The following NSF variants were observed in gnomAD, a reference collection of about 807,000 sequenced individuals.
The protein encoded by NSF is N-ethylmaleimide sensitive factor, vesicle fusing ATPase, also known as vesicle-fusing ATPase.
In NSF, 14 loss-of-function variants were observed where a neutral mutation model predicts 50.3. The observed-to-expected ratio is 0.28, with a 90% CI of 0.18 to 0.44. The LOEUF (loss-of-function observed/expected upper bound fraction) is 0.44. Ranked by LOEUF, NSF falls within the 20% of genes least tolerant of loss-of-function variation. NSF has a pLI of 1.00. For missense variants in NSF, 218 were observed against 504.3 expected, an observed-to-expected ratio of 0.43 and a Z score of 5.44; for synonymous variants, 109 against 175.7, an observed-to-expected ratio of 0.62 and a Z score of 3.00.
intron 9 of NSF, among the ~76,000 whole-genome samples, chr17:46,676,318 C>T (rs1300056160): frequency 1.4e-5 from 2 of 140,558 alleles, no homozygotes; most frequent in South Asian, 2.2e-4. Context: ...CCACAACCTC[C>T]GCCTCCCAGG....
chr17:46,691,560 A>G (rs1316098158), intron 9 of NSF, among the ~76,000 whole-genome samples: 2 of 150,430 alleles, frequency 1.3e-5, no homozygotes, highest in Non-Finnish European at 2.9e-5. Flanking sequence ...GCGTCATTGC[A>G]CTCCAGCCTG....
chr17:46,713,778 A>G (rs979606573), intron 14 of NSF, 75 bp from the exon 15 acceptor site: 18 of 1,460,856 alleles, frequency 1.2e-5, no homozygotes, highest in African/African-American at 7.1e-5. Flanking sequence ...TGTTCTGGAT[A>G]AAAGTTTAAA....
rs558548035 is a variant in NSF, at chr17:46,626,016, G to T, written c.99-597G>T. ...GGACTGTTTTTTTTTTTATTTACAG[G>T]TAATTTCTGAACAGGGAATTAGCAC... On this transcript the variant is annotated intron_variant, in intron 2 of 20. Coordinates refer to ENST00000398238, the MANE Select transcript of NSF (RefSeq NM_006178.4). Among the ~76,000 whole-genome samples, 3 of 148,700 alleles carry T rather than the reference G, an allele frequency of 2.0e-5. No homozygotes were observed. The South Asian group carries it at 6.3e-4, about 31-fold the overall frequency.
intron 15 of NSF, among the ~76,000 whole-genome samples, chr17:46,723,540 CT>C (rs1421656222): frequency 2.6e-5 from 4 of 152,184 alleles, no homozygotes; most frequent in Non-Finnish European, 5.9e-5. Flanking sequence ...CTCATTTTCT[CT>C]TTTTCTGTGT....
intron 17 of NSF, among the ~76,000 whole-genome samples, chr17:46,738,475 G>A (rs911605390): frequency 6.6e-6 from 1 of 152,130 alleles, no homozygotes; most frequent in African/African-American, 2.4e-5. Flanking sequence ...CTGAAGCAAA[G>A]TATAATAAAC....
chr17:46,755,263 A>G, intron 19 of NSF, 51 bp from the exon 20 acceptor site: 1 of 1,366,440 alleles, frequency 7.3e-7, no homozygotes, highest in Admixed American at 1.7e-5. Context: ...GCAAGTGCAG[A>G]GTTGTTAGAA....
intron 20 of NSF, 90 bp downstream of exon 20, chr17:46,755,459 A>AAT (rs1289001566): frequency 8.1e-6 from 9 of 1,113,900 alleles, no homozygotes; most frequent in African/African-American, 1.5e-5. Context: ...TTCCTAGATA[A>AAT]GTTTGTTTCC....
rs1323266344 is a variant in NSF at position 46,713,839 on chromosome 17, A to G, written c.1628-14A>G. The stretch of plus-strand genomic sequence containing the variant: ...TTGGCTTTTTTCCCCTGACTTGCTC[A>G]TATCTTTATGCAGGCCCTCCTCACA... On this transcript the variant is annotated splice_polypyrimidine_tract_variant and intron_variant, in intron 14 of 20. Coordinates refer to ENST00000398238, the MANE Select transcript of NSF (RefSeq NM_006178.4). 3.1e-6 allele frequency: 5 copies of G among 1,606,980 alleles called. No individual in the cohort carries two copies. The highest frequency in any genetic ancestry group is 2.2e-5 in the East Asian group (1 of 44,588).
chr17:46,633,829 A>G (rs2058156647), intron 4 of NSF, among the ~76,000 whole-genome samples: 1 of 117,098 alleles, frequency 8.5e-6, no homozygotes, highest in Admixed American at 8.8e-5. Context: ...TCTTTTGCCT[A>G]TCAAAGTTAC....
At chr17:46,667,522 C>A (rs1568025828) in intron 8 of NSF, among the ~76,000 whole-genome samples, 1 of 140,640 alleles carries the variant, frequency 7.1e-6, no homozygotes, top group African/African-American at 2.6e-5. Flanking sequence ...AACCCAATGA[C>A]AGCACTGCTC....
chr17:46,649,525 T>G (rs891433680), intron 8 of NSF, among the ~76,000 whole-genome samples: 2 of 151,458 alleles, frequency 1.3e-5, no homozygotes, highest in African/African-American at 4.9e-5. Context: ...CCATGACTCC[T>G]GAAGTGAAGC....
chr17:46,730,297 CTT>C (rs748750842), intron 17 of NSF, among the ~76,000 whole-genome samples: 2 of 152,086 alleles, frequency 1.3e-5, no homozygotes, highest in African/African-American at 2.4e-5. Flanking sequence ...AAATTTATCT[CTT>C]AAAATAGTTC....
chr17:46,608,107 G>A (rs1451047936), intron 1 of NSF, among the ~76,000 whole-genome samples: 1 of 122,912 alleles, frequency 8.1e-6, no homozygotes, highest in Non-Finnish European at 1.6e-5. Flanking sequence ...TCAGGAGATC[G>A]AGACCATCCT....
intron 17 of NSF, among the ~76,000 whole-genome samples, chr17:46,742,650 CCTTGA>C (rs2059086864): frequency 1.3e-5 from 2 of 152,032 alleles, no homozygotes; most frequent in African/African-American, 2.4e-5. Flanking sequence ...TCAGGCAGGT[CCTTGA>C]CTTGGAGGGA....
chr17:46,601,874 C>A lies in NSF; in HGVS notation c.12+11087C>A, dbSNP rs1002950345. The stretch of plus-strand genomic sequence containing the variant: ...TTCTGGGAACAACTTAATCCCCACT[C>A]CTTTAAAAAAAAAAAAAAAGACACT... On this transcript the variant is annotated intron_variant, in intron 1 of 20. Transcript: ENST00000398238. 2.7e-5 allele frequency among the ~76,000 whole-genome samples: 4 copies of A among 146,654 alleles called. No individual in the cohort carries two copies. In the East Asian group the frequency reaches 5.9e-4, roughly 22 times the overall value.
intron 18 of NSF, among the ~76,000 whole-genome samples, chr17:46,750,444 A>AT (rs1453509131): frequency 6.6e-6 from 1 of 152,180 alleles, no homozygotes. Flanking sequence ...AGCGTCTCTA[A>AT]TCTGGAAATC....
chr17:46,731,260 G>A (rs1373730178), intron 17 of NSF, among the ~76,000 whole-genome samples: 2 of 152,128 alleles, frequency 1.3e-5, no homozygotes, highest in Non-Finnish European at 2.9e-5. Context: ...GATGATTCCA[G>A]TTACATGAAA....
chr17:46,735,611 G>A (rs368564277), intron 17 of NSF, among the ~76,000 whole-genome samples: 2 of 152,110 alleles, frequency 1.3e-5, no homozygotes, highest in South Asian at 2.1e-4. Flanking sequence ...TTGAGGGTCA[G>A]CTAAGATAAT....
intron 19 of NSF, among the ~76,000 whole-genome samples, chr17:46,755,039 A>G (rs2059219257): frequency 1.3e-5 from 2 of 152,264 alleles, no homozygotes; most frequent in Admixed American, 1.3e-4. Context: ...AGGCATCAGC[A>G]CAGGGCACGC....
Sources: gnomAD v4.1 joint callset for allele counts (sites outside exome capture counted in the v4.1 genomes callset) on GRCh38, gnomAD v4.1.1 for gene constraint, MANE v1.5 for transcripts, NCBI Gene and HGNC (gene_info 2026-07-23, HGNC 2026-07-21) for gene names.